P2RY12: variants seen among roughly 807,000 people sequenced by gnomAD.
P2RY12 encodes the protein P2Y purinoceptor 12.
P2RY12 carries 3 observed loss-of-function variants against 4.5 expected under a neutral mutation model. The observed-to-expected ratio is 0.67, with a 90% CI of 0.31 to 1.74. The LOEUF is 1.74. P2RY12 is among the 40% of genes most tolerant of loss of function. The pLI is 0.09. For missense variants in P2RY12, 356 were observed against 407.8 expected (o/e 0.87, Z 1.09); for synonymous variants, 148 against 154.1 (o/e 0.96, Z 0.29).
At chr3:151,353,241 G>C (rs1248793316) in intron 1 of P2RY12, among the ~76,000 whole-genome samples, 1 of 152,140 alleles carries the variant, frequency 6.6e-6, no homozygotes, top group African/African-American at 2.4e-5. Context: ...CACTTTTAAG[G>C]CATTTTGTGC....
At chr3:151,342,627 A>G (rs564029209) in intron 1 of P2RY12, among the ~76,000 whole-genome samples, 1 of 152,316 alleles carries the variant, frequency 6.6e-6, no homozygotes, top group South Asian at 2.1e-4. Context: ...TTTTGTTGCC[A>G]TTTAGAACTT....
At chr3:151,369,535 C>T (rs1268024824) in intron 1 of P2RY12, 1 of 1,605,854 alleles carries the variant, frequency 6.2e-7, no homozygotes, top group African/African-American at 1.3e-5. Flanking sequence ...GTCTTAAAAG[C>T]AATTATGATG....
intron 1 of P2RY12, among the ~76,000 whole-genome samples, chr3:151,361,301 A>T (rs1019310915): frequency 3.3e-5 from 5 of 152,224 alleles, no homozygotes; most frequent in Admixed American, 2.0e-4. Flanking sequence ...GAGTTTTTTT[A>T]AAATGACCAG....
At chr3:151,368,107 C>A in intron 1 of P2RY12, 2 of 1,483,344 alleles carry the variant, frequency 1.3e-6, no homozygotes, top group South Asian at 2.3e-5. Context: ...GACTTGTTCC[C>A]AAGTGTGTTA....
chr3:151,338,994 G>C, intron 2 of P2RY12, 135 bp from the exon 3 acceptor site: 1 of 736,784 alleles, frequency 1.4e-6, no homozygotes. Flanking sequence ...TAGTTAGTAT[G>C]AACACAGAAA....
intron 1 of P2RY12, among the ~76,000 whole-genome samples, chr3:151,359,270 A>G (rs1476781394): frequency 6.6e-6 from 1 of 152,074 alleles, no homozygotes; most frequent in Non-Finnish European, 1.5e-5. Flanking sequence ...GTTCTTTTTT[A>G]TGGCTGCATA....
chr3:151,382,834 C>A, intron 1 of P2RY12: 1 of 1,025,222 alleles, frequency 9.8e-7, no homozygotes, highest in South Asian at 1.5e-5. Context: ...AGTGCAAAGT[C>A]TGCATTACAA....
chr3:151,369,266 G>A lies in P2RY12; in HGVS notation c.-180+15426C>T, dbSNP rs577420898. ...TTAATAAATAAAAAGAAAAGGATAA[G>A]TGAGGAATACTGGCCATGTTTCTTA... is the stretch of plus-strand genomic sequence containing the variant. On this transcript the variant is annotated intron_variant, in intron 1 of 2. Transcript: ENST00000302632. Among the ~76,000 whole-genome samples, 10 of 152,250 alleles carry A rather than the reference G, an allele frequency of 6.6e-5. No individual in the cohort carries two copies. The South Asian group carries it at 1.9e-3, about 28-fold the overall frequency.
intron 1 of P2RY12, among the ~76,000 whole-genome samples, chr3:151,359,468 G>A (rs1338576254): frequency 6.6e-6 from 1 of 152,058 alleles, no homozygotes; most frequent in Admixed American, 6.6e-5. Flanking sequence ...TTCCACCTAT[G>A]GTACCTGTGA....
At chr3:151,382,166 T>C (rs1214541974) in intron 1 of P2RY12, among the ~76,000 whole-genome samples, 1 of 152,128 alleles carries the variant, frequency 6.6e-6, no homozygotes, top group African/African-American at 2.4e-5. Flanking sequence ...ATGCCATATT[T>C]TTCAAAGTAC....
intron 1 of P2RY12, among the ~76,000 whole-genome samples, chr3:151,352,646 AT>A (rs11325160): frequency 0.73 from 110,331 of 151,974 alleles, 40,456 homozygotes; most frequent in East Asian, 0.85. Context: ...GAACCAACTC[AT>A]TTAGGAGTGT....
At chr3:151,376,123 A>G (rs1756821548) in intron 1 of P2RY12, 1 of 1,611,280 alleles carries the variant, frequency 6.2e-7, no homozygotes, top group Non-Finnish European at 8.5e-7. Context: ...CAAGCACAGA[A>G]ATTACTGCAG....
intron 1 of P2RY12, chr3:151,372,454 T>C: frequency 1.4e-6 from 1 of 739,060 alleles, no homozygotes; most frequent in East Asian, 2.6e-5. Flanking sequence ...GGCTATTCAA[T>C]AATAATACTG....
chr3:151,361,547 C>G (rs878989798), intron 1 of P2RY12, among the ~76,000 whole-genome samples: 7 of 152,214 alleles, frequency 4.6e-5, no homozygotes, highest in African/African-American at 7.2e-5. Context: ...TGATTCCTGT[C>G]AATACATCTT....
intron 1 of P2RY12, among the ~76,000 whole-genome samples, chr3:151,350,745 A>G (rs943582529): frequency 9.2e-5 from 14 of 151,598 alleles, no homozygotes; most frequent in Admixed American, 2.0e-4. Flanking sequence ...AATGATTTCA[A>G]ATAAAAGAAT....
chr3:151,356,138 G>C (rs766437004), intron 1 of P2RY12: 19 of 1,285,044 alleles, frequency 1.5e-5, no homozygotes, highest in Admixed American at 2.4e-5. Flanking sequence ...AGTGGCTTGT[G>C]CTTGTAATCC....
At chr3:151,373,072 T>C (rs893964018) in intron 1 of P2RY12, among the ~76,000 whole-genome samples, 1 of 152,224 alleles carries the variant, frequency 6.6e-6, no homozygotes, top group African/African-American at 2.4e-5. Flanking sequence ...TTTATTCTTT[T>C]GAATATTGCA....
rs77330648 is a variant in P2RY12 at position 151,344,294 on chromosome 3, T to G, written c.-179-3534A>C. Among the ~76,000 whole-genome samples the G allele has an allele frequency of 3.9e-3, 310 of 78,808 alleles. 2 individuals are homozygous for G. The highest frequency in any genetic ancestry group is 0.018 in the African/African-American group (300 of 16,386). 51.7% of individuals were successfully genotyped at this position (78,808 alleles called of 152,430 possible). A position where few individuals can be genotyped will look rare whatever the true frequency, so the allele number is the denominator to read the frequency against. On this transcript the variant is annotated intron_variant, in intron 1 of 2. Coordinates refer to ENST00000302632, the MANE Select transcript of P2RY12 (RefSeq NM_022788.5). ...TACAGAAAATATACTCTATGTATAG[T>G]TACTAATGATTAAAAAAAAACCTGT...
At chr3:151,378,126 C>G (rs1283996144) in intron 1 of P2RY12, 2 of 1,611,558 alleles carry the variant, frequency 1.2e-6, no homozygotes, top group Non-Finnish European at 1.7e-6. Flanking sequence ...AGGGACAGCA[C>G]TTGGGTTCTT....
Sources: gnomAD v4.1 joint callset for allele counts (sites outside exome capture counted in the v4.1 genomes callset) on GRCh38, gnomAD v4.1.1 for gene constraint, MANE v1.5 for transcripts, NCBI Gene and HGNC (gene_info 2026-07-23, HGNC 2026-07-21) for gene names.